DCC: variants seen among roughly 807,000 people sequenced by gnomAD.
DCC encodes the protein netrin receptor DCC.
A neutral mutation model predicts 172.5 loss-of-function variants in DCC; 58 were observed. The ratio of observed to expected loss-of-function variants is 0.34; its 90% confidence interval spans 0.27 to 0.42. The LOEUF is 0.42. Among genes scored for constraint, DCC ranks in the 10% least tolerant of loss-of-function variants. DCC has a pLI of 1.00. For synonymous variants in DCC, 709 were observed against 644.5 expected (o/e 1.10, Z -1.52); for missense variants, 1,740 against 1,791.0 (o/e 0.97, Z 0.51).
intron 5 of DCC, among the ~76,000 whole-genome samples, chr18:52,957,782 G>C (rs907195925): frequency 3.9e-5 from 6 of 152,090 alleles, no homozygotes; most frequent in Non-Finnish European, 8.8e-5. Context: ...GAACTCAATA[G>C]GATGTGAGAG....
chr18:53,220,693 C>G (rs1000434169), intron 12 of DCC, among the ~76,000 whole-genome samples: 3 of 152,220 alleles, frequency 2.0e-5, no homozygotes, highest in African/African-American at 7.2e-5. Flanking sequence ...TCAATCATAA[C>G]ACAGAGCATT....
chr18:53,290,099 A>G (rs1183011662), intron 12 of DCC, among the ~76,000 whole-genome samples: 1 of 152,192 alleles, frequency 6.6e-6, no homozygotes, highest in Admixed American at 6.5e-5. Flanking sequence ...CAGCAATTCT[A>G]TTGTCACCTG....
chr18:52,765,796 C>G (rs780873570), intron 2 of DCC, among the ~76,000 whole-genome samples: 4 of 152,288 alleles, frequency 2.6e-5, no homozygotes, highest in African/African-American at 9.6e-5. Flanking sequence ...AGCTAGTCAG[C>G]CTCAGAATCT....
chr18:53,174,913 T>C (rs1416270594), intron 8 of DCC, among the ~76,000 whole-genome samples: 4 of 152,208 alleles, frequency 2.6e-5, no homozygotes, highest in Admixed American at 1.3e-4. Context: ...TGAACATTGA[T>C]GCAAAAATCC....
chr18:53,098,276 G>A (rs1351583950), intron 7 of DCC, among the ~76,000 whole-genome samples: 1 of 151,874 alleles, frequency 6.6e-6, no homozygotes, highest in East Asian at 1.9e-4. Flanking sequence ...AAAAATAGTA[G>A]AAAGAATTCT....
chr18:53,222,559 C>CT (rs139707148), intron 12 of DCC, among the ~76,000 whole-genome samples: 10,130 of 150,642 alleles, frequency 0.067, 588 homozygotes, highest in Admixed American at 0.19. Flanking sequence ...TAATTTTTTA[C>CT]TTTTTTTTAG....
intron 9 of DCC, among the ~76,000 whole-genome samples, chr18:53,186,205 C>T (rs1474197772): frequency 6.6e-6 from 1 of 152,224 alleles, no homozygotes; most frequent in African/African-American, 2.4e-5. Flanking sequence ...AGAAAGCTAA[C>T]TTCTCATAGA....
chr18:52,382,588 A>G (rs552764352), intron 1 of DCC, among the ~76,000 whole-genome samples: 1 of 152,242 alleles, frequency 6.6e-6, no homozygotes, highest in Non-Finnish European at 1.5e-5. Flanking sequence ...AGTGAACCCA[A>G]TACTCTGGTG....
intron 2 of DCC, among the ~76,000 whole-genome samples, chr18:52,867,865 A>G (rs141504224): frequency 0.021 from 3,178 of 152,204 alleles, 58 homozygotes; most frequent in Admixed American, 0.04. Flanking sequence ...GTCTGAATAT[A>G]CAAAGGATTT....
chr18:52,576,031 G>A (rs147654940), intron 1 of DCC, among the ~76,000 whole-genome samples: 3 of 152,212 alleles, frequency 2.0e-5, no homozygotes, highest in East Asian at 1.9e-4. Context: ...TTGTTATGGC[G>A]TCTACTGTTT....
At chr18:52,357,497 T>C (rs1984420375) in intron 1 of DCC, among the ~76,000 whole-genome samples, 1 of 152,152 alleles carries the variant, frequency 6.6e-6, no homozygotes, top group Non-Finnish European at 1.5e-5. Context: ...GAGTACATAC[T>C]GACATAAATA....
chr18:53,106,005 C>A (rs2043240967), intron 7 of DCC, among the ~76,000 whole-genome samples: 1 of 151,266 alleles, frequency 6.6e-6, no homozygotes, highest in Non-Finnish European at 1.5e-5. Context: ...CTGTTTGAAA[C>A]CCTAGCTTGG....
At chr18:52,508,405 C>A (rs760315039) in intron 1 of DCC, among the ~76,000 whole-genome samples, 27 of 152,220 alleles carry the variant, frequency 1.8e-4, no homozygotes, top group East Asian at 1.5e-3. Context: ...AAAATAAATT[C>A]TTTCTATAGA....
chr18:53,239,047 A>G (rs1340808161), intron 12 of DCC, among the ~76,000 whole-genome samples: 7 of 29,804 alleles, frequency 2.3e-4, no homozygotes, highest in African/African-American at 8.3e-4. Context: ...CCTGTTGTGG[A>G]GTGGGGGGAG....
intron 7 of DCC, among the ~76,000 whole-genome samples, chr18:53,123,182 G>T (rs1007950228): frequency 3.9e-5 from 6 of 152,020 alleles, no homozygotes; most frequent in Non-Finnish European, 7.4e-5. Flanking sequence ...ATACATTGGA[G>T]GGTACTAGGA....
At chr18:52,362,867 C>T (rs1054764353) in intron 1 of DCC, among the ~76,000 whole-genome samples, 11 of 152,054 alleles carry the variant, frequency 7.2e-5, no homozygotes, top group Non-Finnish European at 1.6e-4. Context: ...TTCTTTCGTT[C>T]ATTCATTCGT....
At chr18:52,906,873 A>G (rs1461816037) in intron 3 of DCC, among the ~76,000 whole-genome samples, 3 of 151,742 alleles carry the variant, frequency 2.0e-5, no homozygotes, top group Admixed American at 6.6e-5. Flanking sequence ...TTACCAATAA[A>G]TAAGCATCTA....
chr18:52,961,350 C>G (rs2040839942), intron 5 of DCC, among the ~76,000 whole-genome samples: 1 of 152,078 alleles, frequency 6.6e-6, no homozygotes, highest in Non-Finnish European at 1.5e-5. Flanking sequence ...ACAATGATAG[C>G]ACTGATTCTG....
intron 1 of DCC, among the ~76,000 whole-genome samples, chr18:52,617,129 T>C (rs1186381570): frequency 6.6e-6 from 1 of 152,128 alleles, no homozygotes; most frequent in Non-Finnish European, 1.5e-5. Context: ...TAAGGCTTGG[T>C]GAAACAGATT....
Sources: allele counts gnomAD v4.1 joint callset (sites outside exome capture counted in the v4.1 genomes callset), GRCh38; gene constraint gnomAD v4.1.1; transcripts MANE v1.5; gene names NCBI Gene and HGNC (gene_info 2026-07-23, HGNC 2026-07-21).